PIAS2: variants seen among roughly 807,000 people sequenced by gnomAD.
PIAS2 encodes the protein E3 SUMO-protein ligase PIAS2.
PIAS2 carries 19 observed loss-of-function variants against 69.7 expected under a neutral mutation model. The observed-to-expected ratio is 0.27, with a 90% confidence interval of 0.19 to 0.40. The LOEUF is 0.40. Ranked by LOEUF, PIAS2 falls within the 10% of genes least tolerant of loss-of-function variation. The pLI, the probability that PIAS2 is intolerant of heterozygous loss-of-function variation, is 1.00. For synonymous variants in PIAS2, 261 were observed against 263.2 expected (o/e 0.99, Z 0.08); for missense variants, 624 against 757.0 (o/e 0.82, Z 2.06).
At chr18:46,916,358 G>A (rs1246307412) in intron 1 of PIAS2, among the ~76,000 whole-genome samples, 3 of 151,190 alleles carry the variant, frequency 2.0e-5, no homozygotes, top group East Asian at 1.9e-4. Flanking sequence ...ACGAGTTGCA[G>A]TAAATGTAAT....
chr18:46,849,379 AT>A (rs1254704461), intron 5 of PIAS2, among the ~76,000 whole-genome samples: 1 of 152,186 alleles, frequency 6.6e-6, no homozygotes, highest in African/African-American at 2.4e-5. Flanking sequence ...TTGATAATAT[AT>A]TAATAGTTGG....
intron 12 of PIAS2, 74 bp from the exon 13 acceptor site, chr18:46,815,423 A>G: frequency 6.2e-7 from 1 of 1,601,948 alleles, no homozygotes; most frequent in Non-Finnish European, 8.5e-7. Flanking sequence ...AATCATCTTT[A>G]TCACAAATCA....
chr18:46,826,084 C>T (rs72907134), intron 11 of PIAS2, among the ~76,000 whole-genome samples: 7,052 of 152,260 alleles, frequency 0.046, 190 homozygotes, highest in Non-Finnish European at 0.064. Context: ...ATGGAACGAA[C>T]TAGGTAGCTG....
intron 2 of PIAS2, among the ~76,000 whole-genome samples, chr18:46,888,676 G>A (rs1041786476): frequency 6.6e-6 from 1 of 152,154 alleles, no homozygotes; most frequent in Admixed American, 6.5e-5. Flanking sequence ...TCAGGCATTA[G>A]ATTCTCGTAA....
At chr18:46,855,810 C>T (rs764559982) in intron 3 of PIAS2, among the ~76,000 whole-genome samples, 195 bp from the exon 4 acceptor site, 1 of 152,046 alleles carries the variant, frequency 6.6e-6, no homozygotes, top group Non-Finnish European at 1.5e-5. Flanking sequence ...TAACTTCTAG[C>T]CACGTCTTTA....
At chr18:46,873,980 C>G (rs1323511881) in intron 2 of PIAS2, among the ~76,000 whole-genome samples, 1 of 152,006 alleles carries the variant, frequency 6.6e-6, no homozygotes, top group Non-Finnish European at 1.5e-5. Context: ...TGGGTGTTAC[C>G]AGATCAAAGA....
At chr18:46,877,854 C>T (rs910687744) in intron 2 of PIAS2, among the ~76,000 whole-genome samples, 3 of 152,124 alleles carry the variant, frequency 2.0e-5, no homozygotes, top group Admixed American at 1.3e-4. Flanking sequence ...CTTATGACTC[C>T]GAGCTCTTGT....
chr18:46,895,445 C>T (rs975573005), intron 1 of PIAS2, among the ~76,000 whole-genome samples: 1 of 152,012 alleles, frequency 6.6e-6, no homozygotes, highest in Admixed American at 6.5e-5. Flanking sequence ...CCAAAGCGGG[C>T]GGATCATCTG....
At chr18:46,886,842 CT>C (rs11292180) in intron 2 of PIAS2, among the ~76,000 whole-genome samples, 2,567 of 151,502 alleles carry the variant, frequency 0.017, 54 homozygotes, top group African/African-American at 0.057. Flanking sequence ...TGTCCCCCCC[CT>C]CCAAAAAAAA....
intron 5 of PIAS2, among the ~76,000 whole-genome samples, chr18:46,854,068 G>A (rs1041808098): frequency 6.6e-6 from 1 of 152,168 alleles, no homozygotes; most frequent in African/African-American, 2.4e-5. Flanking sequence ...GTATTTCTCA[G>A]GTCTCTAAGT....
At chr18:46,881,821 G>T (rs538528642) in intron 2 of PIAS2, among the ~76,000 whole-genome samples, 1 of 152,164 alleles carries the variant, frequency 6.6e-6, no homozygotes, top group Non-Finnish European at 1.5e-5. Context: ...CACAGACACC[G>T]GGCACGGTGG....
At chr18:46,878,161 T>G (rs903556397) in intron 2 of PIAS2, among the ~76,000 whole-genome samples, 17 of 152,174 alleles carry the variant, frequency 1.1e-4, no homozygotes, top group Non-Finnish European at 4.4e-5. Flanking sequence ...ATCCAAGTTA[T>G]TTAGGAAATT....
intron 2 of PIAS2, among the ~76,000 whole-genome samples, chr18:46,874,632 T>C (rs1363375491): frequency 1.3e-5 from 2 of 152,204 alleles, no homozygotes; most frequent in Non-Finnish European, 2.9e-5. Flanking sequence ...CTCGGAAAGA[T>C]ATTGGCTTAT....
intron 1 of PIAS2, among the ~76,000 whole-genome samples, chr18:46,908,613 G>C (rs2056902749): frequency 1.3e-5 from 2 of 151,870 alleles, no homozygotes; most frequent in Admixed American, 1.3e-4. Flanking sequence ...ATATCTTCGA[G>C]AACTCTGTTG....
chr18:46,838,183 ATAATT>A (rs1043750189), intron 8 of PIAS2, among the ~76,000 whole-genome samples: 2 of 152,230 alleles, frequency 1.3e-5, no homozygotes, highest in African/African-American at 4.8e-5. Context: ...TAAAAAGAAA[ATAATT>A]TAGCTGAATC....
chr18:46,892,669 G>A (rs921082690), intron 1 of PIAS2, among the ~76,000 whole-genome samples: 6 of 152,044 alleles, frequency 3.9e-5, no homozygotes, highest in Non-Finnish European at 7.4e-5. Flanking sequence ...AGCCACTCAG[G>A]AGACTGAGGC....
At chr18:46,864,573 C>A (rs559048210) in intron 2 of PIAS2, among the ~76,000 whole-genome samples, 1 of 152,238 alleles carries the variant, frequency 6.6e-6, no homozygotes, top group African/African-American at 2.4e-5. Flanking sequence ...AAGTTCGAGA[C>A]CAGCCTGACC....
In PIAS2 at chr18:46,847,909, C is replaced by T. The variant is rs140807116; in HGVS notation, c.727-1068G>A. ...TATATTTTTTAGAAAATTAAAATGT[C>T]TTAGCTGCAAAAAATCTACATATTG... is the stretch of plus-strand genomic sequence containing the variant. On this transcript the variant is annotated intron_variant, in intron 5 of 13. Transcript: ENST00000585916. 1.3e-4 allele frequency among the ~76,000 whole-genome samples: 20 copies of T among 152,232 alleles called. No homozygotes were observed. The East Asian group carries it at 3.9e-3, about 29-fold the overall frequency.
rs189806084 is a variant in PIAS2, at chr18:46,900,425, T to G, written c.25-9371A>C. On this transcript the variant is annotated intron_variant, in intron 1 of 13. Coordinates refer to ENST00000585916, the MANE Select transcript of PIAS2 (RefSeq NM_004671.5). ...GCTCCAACCTTTTAATCCCAGCTAT[T>G]TGGGAGGCTGAGGCAGGAAGATCAC... 2.0e-5 allele frequency among the ~76,000 whole-genome samples: 3 copies of G among 151,690 alleles called. No individual in the cohort carries two copies. In the East Asian group the frequency reaches 5.8e-4, roughly 29 times the overall value.
Sources: allele counts gnomAD v4.1 joint callset (sites outside exome capture counted in the v4.1 genomes callset), GRCh38; gene constraint gnomAD v4.1.1; transcripts MANE v1.5; gene names NCBI Gene and HGNC (gene_info 2026-07-23, HGNC 2026-07-21).